The following DLGAP1 variants were observed in gnomAD, a reference collection of about 807,000 sequenced individuals.
DLGAP1 encodes the protein DLG associated protein 1, also known as disks large-associated protein 1.
Under a neutral mutation model 90.8 loss-of-function variants are expected in DLGAP1, and 11 were observed. The observed-to-expected ratio is 0.12, with a 90% confidence interval of 0.08 to 0.20. The LOEUF (loss-of-function observed/expected upper bound fraction) is 0.20, where lower values mean the gene tolerates loss of function less well. Among genes scored for constraint, DLGAP1 ranks in the 10% least tolerant of loss-of-function variants. DLGAP1 has a pLI of 1.00. For missense variants in DLGAP1, 1,050 were observed against 1,333.8 expected (o/e 0.79, Z 3.31); for synonymous variants, 558 against 540.7 (o/e 1.03, Z -0.44).
chr18:4,145,963 C>T (rs890595793), intron 2 of DLGAP1, among the ~76,000 whole-genome samples: 4 of 152,132 alleles, frequency 2.6e-5, no homozygotes, highest in Non-Finnish European at 4.4e-5. Context: ...AGAACCAGAG[C>T]TATCCCGTGT....
intron 2 of DLGAP1, among the ~76,000 whole-genome samples, chr18:4,042,689 G>A (rs370618242): frequency 1.4e-4 from 22 of 152,276 alleles, no homozygotes; most frequent in African/African-American, 3.1e-4. Context: ...GCAATAAGCC[G>A]AGATCATGCC....
intron 1 of DLGAP1, chr18:4,248,695 A>C (rs557772638): frequency 6.6e-6 from 1 of 152,364 alleles, no homozygotes; most frequent in South Asian, 2.1e-4. Context: ...ACGACCTTCC[A>C]ATCTCTCCCT....
chr18:3,940,782 A>G (rs901553499), intron 3 of DLGAP1, among the ~76,000 whole-genome samples: 1 of 152,262 alleles, frequency 6.6e-6, no homozygotes, highest in South Asian at 2.1e-4. Context: ...GACCTCTGAA[A>G]AATCATTGCC....
intron 2 of DLGAP1, among the ~76,000 whole-genome samples, chr18:4,054,789 CT>C: frequency 6.6e-6 from 1 of 152,302 alleles, no homozygotes; most frequent in East Asian, 1.9e-4. Context: ...AGCATTCTTT[CT>C]TTAATTACAT....
intron 4 of DLGAP1, among the ~76,000 whole-genome samples, chr18:3,860,929 C>T (rs28674738): frequency 7.8e-4 from 119 of 152,324 alleles, no homozygotes; most frequent in African/African-American, 2.8e-3. Context: ...TATCCTCCAT[C>T]CTTCCTTACT....
chr18:3,507,593 A>G (rs2050308653), intron 11 of DLGAP1, among the ~76,000 whole-genome samples: 1 of 152,180 alleles, frequency 6.6e-6, no homozygotes, highest in Non-Finnish European at 1.5e-5. Context: ...AAGAAAAACA[A>G]AAAACCTCTA....
At chr18:4,358,437 G>T (rs7239298) in intron 1 of DLGAP1, among the ~76,000 whole-genome samples, 144,337 of 152,266 alleles carry the variant, frequency 0.95, 68,494 homozygotes, top group East Asian at 1. Flanking sequence ...GTGGCATACT[G>T]GAGAAACAAA....
rs992828374 is a variant in DLGAP1 at position 4,319,117 on chromosome 18, A to G, written c.-267+135889T>C. Among the ~76,000 whole-genome samples the G allele has an allele frequency of 6.6e-5, 10 of 152,338 alleles. No homozygotes were observed. In the East Asian group the frequency reaches 1.9e-3, roughly 29 times the overall value. On this transcript the variant is annotated intron_variant, in intron 1 of 12. Transcript: ENST00000315677. Reference sequence around the variant, plus strand: ...GCATCATGTTTCACACCATAAATAAATACAATTGTTATCTGTGAGGTAAAA... The same window carrying G: ...GCATCATGTTTCACACCATAAATAAGTACAATTGTTATCTGTGAGGTAAAA...
In DLGAP1 at chr18:4,189,333, A is replaced by G. The variant is rs2077353550; in HGVS notation, c.-266-38046T>C. Among the ~76,000 whole-genome samples, 3 of 152,104 alleles carry G rather than the reference A, an allele frequency of 2.0e-5. No individual in the cohort carries two copies. The South Asian group carries it at 6.2e-4, about 31-fold the overall frequency. ...CTTTCTGTTTTGATTACTGGAGACT[A>G]TTATATAAGAACAGTTGTAGCTTAA... On this transcript the variant is annotated intron_variant, in intron 1 of 12. Coordinates refer to ENST00000315677, the MANE Select transcript of DLGAP1 (RefSeq NM_004746.4).
chr18:3,750,356 A>G (rs577216706), intron 5 of DLGAP1, among the ~76,000 whole-genome samples: 4 of 152,222 alleles, frequency 2.6e-5, no homozygotes, highest in African/African-American at 9.6e-5. Flanking sequence ...ATATTTCTTT[A>G]TCCAGCCCAC....
chr18:3,859,474 G>GACTT (rs1214323691), intron 4 of DLGAP1, among the ~76,000 whole-genome samples: 4 of 152,174 alleles, frequency 2.6e-5, no homozygotes, highest in African/African-American at 9.7e-5. Flanking sequence ...TAGCAGAAGG[G>GACTT]ACTTCACAGA....
intron 7 of DLGAP1, among the ~76,000 whole-genome samples, chr18:3,678,268 C>T (rs2060384547): frequency 6.6e-6 from 1 of 152,046 alleles, no homozygotes; most frequent in Non-Finnish European, 1.5e-5. Context: ...AGCCTACTTG[C>T]TCTTGTTTTA....
Position 3,764,745 on chromosome 18 carries a change from G to A in DLGAP1, c.1173-22233C>T, listed in dbSNP as rs979845136. 3.9e-5 allele frequency among the ~76,000 whole-genome samples: 6 copies of A among 152,282 alleles called. No homozygotes were observed. The South Asian group carries it at 1.2e-3, about 32-fold the overall frequency. Reference sequence around the variant, plus strand: ...ACTCTTTTCCTGGTACATTCCTCATGGTTCCTAAAATATCACCAATAGTAA... The same window carrying A: ...ACTCTTTTCCTGGTACATTCCTCATAGTTCCTAAAATATCACCAATAGTAA... On this transcript the variant is annotated intron_variant, in intron 5 of 12. Coordinates refer to ENST00000315677, the MANE Select transcript of DLGAP1 (RefSeq NM_004746.4).
chr18:3,601,085 T>G (rs937278498), intron 7 of DLGAP1, among the ~76,000 whole-genome samples: 25 of 149,684 alleles, frequency 1.7e-4, no homozygotes, highest in African/African-American at 4.9e-4. Context: ...TAGATAGATA[T>G]ATAGATATAT....
chr18:3,877,978 G>C (rs186185866), intron 4 of DLGAP1, among the ~76,000 whole-genome samples: 2 of 152,264 alleles, frequency 1.3e-5, no homozygotes, highest in Admixed American at 6.5e-5. Flanking sequence ...CTTGTCCAGG[G>C]ATTGCCAGCT....
chr18:4,178,457 T>G (rs894697268), intron 1 of DLGAP1, among the ~76,000 whole-genome samples: 2 of 152,178 alleles, frequency 1.3e-5, no homozygotes, highest in African/African-American at 4.8e-5. Context: ...TTTTCTTAGT[T>G]TCCAGTATGA....
At chr18:3,646,635 A>G (rs2059123001) in intron 7 of DLGAP1, among the ~76,000 whole-genome samples, 1 of 152,178 alleles carries the variant, frequency 6.6e-6, no homozygotes, top group Admixed American at 6.6e-5. Flanking sequence ...TTTAAAAAAT[A>G]TTGTAACAGC....
At chr18:4,403,796 T>A (rs930561274) in intron 1 of DLGAP1, among the ~76,000 whole-genome samples, 2 of 152,076 alleles carry the variant, frequency 1.3e-5, no homozygotes, top group Non-Finnish European at 2.9e-5. Context: ...TCCAGTTGAG[T>A]GTCCATGGGT....
intron 1 of DLGAP1, among the ~76,000 whole-genome samples, chr18:4,321,172 T>A (rs923219461): frequency 6.6e-6 from 1 of 152,234 alleles, no homozygotes; most frequent in African/African-American, 2.4e-5. Context: ...CTGGATATTG[T>A]CAGCACCTAA....
Sources: allele counts gnomAD v4.1 joint callset (sites outside exome capture counted in the v4.1 genomes callset), GRCh38; gene constraint gnomAD v4.1.1; transcripts MANE v1.5; gene names NCBI Gene and HGNC (gene_info 2026-07-23, HGNC 2026-07-21).